ZNF385B: variants seen among roughly 807,000 people sequenced by gnomAD.
ZNF385B encodes the protein zinc finger protein 385B, also known as zinc finger protein 533.
Under a neutral mutation model 39.2 loss-of-function variants are expected in ZNF385B, and 23 were observed. That is an observed-to-expected ratio of 0.59 (90% confidence interval 0.42 to 0.83). The LOEUF is 0.83. Ranked by LOEUF, ZNF385B falls within the 40% of genes least tolerant of loss-of-function variation. ZNF385B has a pLI of 0.00. For synonymous variants in ZNF385B, 205 were observed against 222.6 expected (o/e 0.92, Z 0.70); for missense variants, 552 against 598.9 (o/e 0.92, Z 0.82).
At chr2:179,638,089 C>T (rs1479232878) in intron 3 of ZNF385B, among the ~76,000 whole-genome samples, 4 of 152,076 alleles carry the variant, frequency 2.6e-5, no homozygotes, top group Non-Finnish European at 4.4e-5. Context: ...TATTAAAAAA[C>T]AAATATGAGA....
At chr2:179,473,465 C>A (rs9973399) in intron 6 of ZNF385B, among the ~76,000 whole-genome samples, 18,320 of 152,086 alleles carry the variant, frequency 0.12, 1,471 homozygotes, top group African/African-American at 0.22. Flanking sequence ...CAGGCAGCTT[C>A]CATGTATTAG....
intron 3 of ZNF385B, among the ~76,000 whole-genome samples, chr2:179,593,079 A>T (rs896949691): frequency 3.3e-5 from 5 of 152,192 alleles, no homozygotes; most frequent in African/African-American, 1.2e-4. Context: ...TTCCCCAAAC[A>T]TTAAGATTGC....
At chr2:179,486,639 A>G (rs1309644716) in intron 5 of ZNF385B, among the ~76,000 whole-genome samples, 1 of 152,216 alleles carries the variant, frequency 6.6e-6, no homozygotes, top group African/African-American at 2.4e-5. Flanking sequence ...TTCCACTTTT[A>G]GGCCAGGTGC....
intron 3 of ZNF385B, among the ~76,000 whole-genome samples, chr2:179,558,047 G>A (rs919486411): frequency 6.6e-6 from 1 of 152,152 alleles, no homozygotes; most frequent in African/African-American, 2.4e-5. Context: ...ACTCACATTT[G>A]TGTTGTTGGT....
At chr2:179,451,970 T>C (rs896098145) in intron 6 of ZNF385B, among the ~76,000 whole-genome samples, 6 of 152,148 alleles carry the variant, frequency 3.9e-5, no homozygotes, top group African/African-American at 1.4e-4. Flanking sequence ...CTGGTTAAGA[T>C]GAAATCCATT....
chr2:179,614,838 C>G (rs1427126382), intron 3 of ZNF385B, among the ~76,000 whole-genome samples: 1 of 152,114 alleles, frequency 6.6e-6, no homozygotes, highest in Non-Finnish European at 1.5e-5. Context: ...CATACAATAC[C>G]TTTTATTATA....
intron 4 of ZNF385B, among the ~76,000 whole-genome samples, chr2:179,519,415 G>T (rs1037470333): frequency 2.0e-5 from 3 of 152,128 alleles, no homozygotes; most frequent in Middle Eastern, 3.2e-3. Context: ...AAATAGATTG[G>T]CTGACATGCA....
chr2:179,707,201 T>C (rs908158417), intron 3 of ZNF385B, among the ~76,000 whole-genome samples: 1 of 152,204 alleles, frequency 6.6e-6, no homozygotes, highest in African/African-American at 2.4e-5. Flanking sequence ...GTGGAATTAG[T>C]GGAGCTGCGA....
rs73973293 is a variant in ZNF385B, at chr2:179,491,405, A to C, written c.553-7971T>G. Among the ~76,000 whole-genome samples, 265 of 152,296 alleles carry C rather than the reference A, an allele frequency of 1.7e-3. 1 individual carries two copies. Among genetic ancestry groups the C allele is most frequent in the African/African-American group, 6.1e-3 (255 of 41,572 alleles). ...ATCTTAAGGGAGGCCACATGAAGTA[A>C]ATGAAACCTGGCAAAGCATGCCTTT... On this transcript the variant is annotated intron_variant, in intron 5 of 9. Transcript: ENST00000410066.
At chr2:179,809,543 T>C (rs1414366820) in intron 1 of ZNF385B, among the ~76,000 whole-genome samples, 1 of 152,128 alleles carries the variant, frequency 6.6e-6, no homozygotes, top group Non-Finnish European at 1.5e-5. Context: ...TTGAGTCTTA[T>C]GCTACATACA....
chr2:179,748,747 C>T (rs181289483), intron 3 of ZNF385B, among the ~76,000 whole-genome samples: 2 of 152,102 alleles, frequency 1.3e-5, no homozygotes, highest in Non-Finnish European at 1.5e-5. Flanking sequence ...CTTATGACTA[C>T]ACTTCCCAAA....
intron 3 of ZNF385B, among the ~76,000 whole-genome samples, chr2:179,641,907 ATC>A (rs1692299597): frequency 6.6e-6 from 1 of 152,154 alleles, no homozygotes; most frequent in Non-Finnish European, 1.5e-5. Context: ...GTTAATGATT[ATC>A]TGTTTCCCAT....
intron 3 of ZNF385B, among the ~76,000 whole-genome samples, chr2:179,577,749 A>G (rs1686006533): frequency 6.6e-6 from 1 of 151,930 alleles, no homozygotes. Flanking sequence ...TTATGGCCAC[A>G]GTAAGGAAAA....
intron 3 of ZNF385B, among the ~76,000 whole-genome samples, chr2:179,606,618 G>A (rs1356063): frequency 0.25 from 37,532 of 151,924 alleles, 5,740 homozygotes; most frequent in Non-Finnish European, 0.33. Flanking sequence ...ATAGCTACAT[G>A]TCATTCTGGT....
At chr2:179,785,747 A>T (rs781280659) in intron 1 of ZNF385B, among the ~76,000 whole-genome samples, 2 of 152,164 alleles carry the variant, frequency 1.3e-5, no homozygotes, top group Non-Finnish European at 2.9e-5. Context: ...CTTCTTACGG[A>T]TGAGCAAAGA....
intron 5 of ZNF385B, among the ~76,000 whole-genome samples, chr2:179,504,134 TTTTGTTCTTGC>T (rs1405287017): frequency 6.6e-6 from 1 of 151,110 alleles, no homozygotes; most frequent in East Asian, 2.0e-4. Context: ...GTGTTTGGTT[TTTTGTTCTTGC>T]GATAGTTTAC....
At chr2:179,773,117 C>T (rs949328273) in intron 1 of ZNF385B, among the ~76,000 whole-genome samples, 4 of 152,182 alleles carry the variant, frequency 2.6e-5, no homozygotes, top group African/African-American at 9.6e-5. Flanking sequence ...TCCAATGTTA[C>T]AACTTTCCCT....
At chr2:179,493,776 T>C (rs1378602545) in intron 5 of ZNF385B, among the ~76,000 whole-genome samples, 2 of 82,498 alleles carry the variant, frequency 2.4e-5, no homozygotes, top group African/African-American at 7.9e-5. Context: ...TACATATATG[T>C]ATATACACAT....
intron 3 of ZNF385B, among the ~76,000 whole-genome samples, chr2:179,678,328 G>A (rs1697138717): frequency 2.6e-5 from 4 of 152,132 alleles, no homozygotes; most frequent in African/African-American, 9.7e-5. Flanking sequence ...TCTTTAGTTA[G>A]GTGCATGGCT....
Sources: gnomAD v4.1 joint callset for allele counts (sites outside exome capture counted in the v4.1 genomes callset) on GRCh38, gnomAD v4.1.1 for gene constraint, MANE v1.5 for transcripts, NCBI Gene and HGNC (gene_info 2026-07-23, HGNC 2026-07-21) for gene names.